ZBTB7C: variants seen among roughly 807,000 people sequenced by gnomAD.
ZBTB7C encodes the protein zinc finger and BTB domain containing 7C, also known as zinc finger and BTB domain-containing protein 7C.
A neutral mutation model predicts 25.7 loss-of-function variants in ZBTB7C; 8 were observed. The ratio of observed to expected loss-of-function variants is 0.31; its 90% CI spans 0.18 to 0.56. The LOEUF (loss-of-function observed/expected upper bound fraction) is 0.56. ZBTB7C is among the 20% of genes least tolerant of loss of function. The pLI is 0.91. For synonymous variants in ZBTB7C, 394 were observed against 369.0 expected, an observed-to-expected ratio of 1.07 and a Z score of -0.78; for missense variants, 824 against 855.2, an observed-to-expected ratio of 0.96 and a Z score of 0.46.
At chr18:48,394,377 C>A (rs1182643424) in intron 1 of ZBTB7C, among the ~76,000 whole-genome samples, 2 of 152,134 alleles carry the variant, frequency 1.3e-5, no homozygotes, top group Non-Finnish European at 2.9e-5. Flanking sequence ...GAGCTCTTTG[C>A]CTCATTCACA....
intron 3 of ZBTB7C, among the ~76,000 whole-genome samples, chr18:48,078,999 G>A (rs958743286): frequency 2.0e-5 from 3 of 152,152 alleles, no homozygotes; most frequent in Non-Finnish European, 4.4e-5. Flanking sequence ...TGTGAATAGC[G>A]CTGCTGTGAA....
chr18:48,214,687 C>T (rs1011581803), intron 2 of ZBTB7C, among the ~76,000 whole-genome samples: 23 of 152,212 alleles, frequency 1.5e-4, no homozygotes, highest in Non-Finnish European at 2.4e-4. Flanking sequence ...TCTGTTAGCT[C>T]GCTCTTGAAT....
chr18:48,262,503 A>T (rs1409935380), intron 2 of ZBTB7C, among the ~76,000 whole-genome samples: 2 of 152,244 alleles, frequency 1.3e-5, no homozygotes, highest in African/African-American at 4.8e-5. Context: ...AACACCAGGC[A>T]GTATATGAAA....
rs1301710758 is a variant in ZBTB7C at position 48,041,021 on chromosome 18, G to A, written c.87C>T (p.His29=). The A allele has an allele frequency of 5.0e-6, 8 of 1,613,886 alleles. No homozygotes were observed. In the Admixed American group the frequency reaches 8.3e-5, roughly 17 times the overall value. ...GGAGCACGTCACACAGCAGGCCATC[G>A]TGCCGTTGCTCATTGAGGCTGCACA... ...EVLCSLNEQR[H]DGLLCDVLLV... The change falls in exon 4 of 5, where the codon CAC becomes CAT. Residue 29 remains histidine (H), a synonymous_variant. Transcript: ENST00000590800.
chr18:48,278,940 CTTG>C (rs1281282038), intron 2 of ZBTB7C, among the ~76,000 whole-genome samples: 1 of 148,368 alleles, frequency 6.7e-6, no homozygotes, highest in African/African-American at 2.5e-5. Flanking sequence ...GTTTTGCTTT[CTTG>C]TTTTTTTTTT....
intron 3 of ZBTB7C, among the ~76,000 whole-genome samples, chr18:48,100,470 A>C (rs996733791): frequency 1.3e-5 from 2 of 152,200 alleles, no homozygotes; most frequent in Admixed American, 6.5e-5. Flanking sequence ...TAATGGGGAA[A>C]TAAATCTTGG....
intron 2 of ZBTB7C, among the ~76,000 whole-genome samples, chr18:48,292,342 T>C (rs1484141741): frequency 6.6e-6 from 1 of 152,152 alleles, no homozygotes; most frequent in Non-Finnish European, 1.5e-5. Flanking sequence ...AACCAAGAAG[T>C]TAAGCCACTT....
intron 2 of ZBTB7C, among the ~76,000 whole-genome samples, chr18:48,273,352 G>C (rs183320837): frequency 8.2e-4 from 125 of 151,902 alleles, no homozygotes; most frequent in Non-Finnish European, 8.1e-4. Flanking sequence ...CATAGAGATG[G>C]ACAATTAAGA....
intron 2 of ZBTB7C, among the ~76,000 whole-genome samples, chr18:48,319,171 C>A (rs1427335966): frequency 6.7e-6 from 1 of 149,280 alleles, no homozygotes; most frequent in East Asian, 2.0e-4. Context: ...ATCAGTGGGG[C>A]TTCCTCTGGG....
At chr18:48,167,023 G>A (rs191825811) in intron 3 of ZBTB7C, among the ~76,000 whole-genome samples, 3 of 152,060 alleles carry the variant, frequency 2.0e-5, no homozygotes, top group Non-Finnish European at 4.4e-5. Context: ...CCCTTCTCTG[G>A]TCTTCAGAAC....
At chr18:48,135,351 C>T (rs1325729175) in intron 3 of ZBTB7C, among the ~76,000 whole-genome samples, 1 of 152,120 alleles carries the variant, frequency 6.6e-6, no homozygotes, top group Non-Finnish European at 1.5e-5. Context: ...TATACCAAGG[C>T]GATTCCTGTC....
intron 3 of ZBTB7C, among the ~76,000 whole-genome samples, chr18:48,045,058 T>G (rs2036414725): frequency 6.6e-6 from 1 of 152,238 alleles, no homozygotes; most frequent in Non-Finnish European, 1.5e-5. Flanking sequence ...CAGTAGTCTC[T>G]GCTAACACGT....
intron 2 of ZBTB7C, among the ~76,000 whole-genome samples, chr18:48,202,307 G>A (rs1444315973): frequency 6.6e-6 from 1 of 152,218 alleles, no homozygotes; most frequent in Non-Finnish European, 1.5e-5. Flanking sequence ...ATCTGCCTGT[G>A]CAGCACAGCG....
intron 2 of ZBTB7C, among the ~76,000 whole-genome samples, chr18:48,235,280 T>C (rs150043442): frequency 0.011 from 1,634 of 152,308 alleles, 17 homozygotes; most frequent in Non-Finnish European, 0.017. Flanking sequence ...TTTAAAATTA[T>C]AGTTTCCTCT....
chr18:48,401,524 C>T (rs9949249), intron 1 of ZBTB7C, among the ~76,000 whole-genome samples: 5,396 of 152,246 alleles, frequency 0.035, 321 homozygotes, highest in African/African-American at 0.12. Flanking sequence ...TCATCAACCC[C>T]AAAACCTATG....
intron 3 of ZBTB7C, chr18:48,041,593 T>A: frequency 1.0e-6 from 1 of 973,628 alleles, no homozygotes; most frequent in Non-Finnish European, 1.2e-6. Flanking sequence ...GTAACAGACT[T>A]ACACTTTGCA....
At chr18:48,265,997 C>T (rs557596626) in intron 2 of ZBTB7C, among the ~76,000 whole-genome samples, 9 of 152,124 alleles carry the variant, frequency 5.9e-5, no homozygotes, top group Admixed American at 2.0e-4. Context: ...AGAATGTTCT[C>T]GTTTATAGGA....
chr18:48,377,280 G>A (rs181192387), intron 1 of ZBTB7C, among the ~76,000 whole-genome samples: 348 of 152,350 alleles, frequency 2.3e-3, no homozygotes, highest in African/African-American at 7.8e-3. Flanking sequence ...ATGAACAAGA[G>A]GTAGCCCCCA....
At chr18:48,066,881 T>C (rs1307316247) in intron 3 of ZBTB7C, among the ~76,000 whole-genome samples, 1 of 152,128 alleles carries the variant, frequency 6.6e-6, no homozygotes, top group Non-Finnish European at 1.5e-5. Context: ...GCGGGCGGAT[T>C]GCCTGAGTTC....
Sources: gnomAD v4.1 joint callset for allele counts (sites outside exome capture counted in the v4.1 genomes callset) on GRCh38, gnomAD v4.1.1 for gene constraint, MANE v1.5 for transcripts, NCBI Gene and HGNC (gene_info 2026-07-23, HGNC 2026-07-21) for gene names.